NAALADL2: variants seen among roughly 807,000 people sequenced by gnomAD.
The protein encoded by NAALADL2 is inactive N-acetylated-alpha-linked acidic dipeptidase-like protein 2.
In NAALADL2, 76 loss-of-function variants were observed where a neutral mutation model predicts 87.2. That is an observed-to-expected ratio of 0.87 (90% CI 0.72 to 1.05). The LOEUF is 1.05. NAALADL2 is among the 50% of genes least tolerant of loss of function. The pLI, the probability that NAALADL2 is intolerant of heterozygous loss-of-function variation, is 0.00. For missense variants in NAALADL2, 1,089 were observed against 945.8 expected, an observed-to-expected ratio of 1.15 and a Z score of -1.99; for synonymous variants, 354 against 331.0, an observed-to-expected ratio of 1.07 and a Z score of -0.75.
chr3:175,452,712 T>A (rs1160824817), intron 6 of NAALADL2, among the ~76,000 whole-genome samples: 1 of 152,166 alleles, frequency 6.6e-6, no homozygotes, highest in African/African-American at 2.4e-5. Context: ...TAGGAGCTGA[T>A]AACGGAGTAT....
intron 2 of NAALADL2, among the ~76,000 whole-genome samples, chr3:174,582,813 A>G (rs879308054): frequency 2.6e-5 from 4 of 152,102 alleles, no homozygotes; most frequent in African/African-American, 7.2e-5. Context: ...TGAACTCCTG[A>G]CCTCAAGTGA....
rs370915659 is a variant in NAALADL2, at chr3:174,673,198, C to T, written c.-114-64443C>T. 3.0e-3 allele frequency among the ~76,000 whole-genome samples: 452 copies of T among 152,048 alleles called. 8 individuals are homozygous for T. The highest frequency in any genetic ancestry group is 0.017 in the South Asian group (84 of 4,806). On this transcript the variant is annotated intron_variant, in intron 2 of 3. Coordinates refer to the NAALADL2 transcript ENST00000434257. ...GTATTCACTAAATGCTTTTTACAAG[C>T]CCACTTTATGCAAGACATTGGGCAA...
At chr3:175,760,773 T>C (rs1188415553) in intron 13 of NAALADL2, among the ~76,000 whole-genome samples, 1 of 152,196 alleles carries the variant, frequency 6.6e-6, no homozygotes, top group Non-Finnish European at 1.5e-5. Context: ...GATCCTTTTT[T>C]GCTCCCTGTA....
At chr3:175,259,739 G>T (rs1750686809) in intron 4 of NAALADL2, among the ~76,000 whole-genome samples, 1 of 152,106 alleles carries the variant, frequency 6.6e-6, no homozygotes, top group Admixed American at 6.5e-5. Flanking sequence ...TTAAAATACA[G>T]CAATTATAAT....
At chr3:174,761,535 T>C (rs1036251412) in intron 3 of NAALADL2, among the ~76,000 whole-genome samples, 3 of 152,198 alleles carry the variant, frequency 2.0e-5, no homozygotes, top group African/African-American at 7.2e-5. Flanking sequence ...AATGGTCATA[T>C]GTATTATGCT....
At chr3:174,861,027 G>T (rs1053966432) in intron 1 of NAALADL2, among the ~76,000 whole-genome samples, 1 of 152,044 alleles carries the variant, frequency 6.6e-6, no homozygotes, top group African/African-American at 2.4e-5. Flanking sequence ...TTAAGTTCAA[G>T]AACAGTGTGC....
At chr3:174,597,699 A>G (rs1159565786) in intron 2 of NAALADL2, among the ~76,000 whole-genome samples, 1 of 152,204 alleles carries the variant, frequency 6.6e-6, no homozygotes, top group Non-Finnish European at 1.5e-5. Context: ...TTCTTGATAA[A>G]TGGAATAAAA....
At chr3:174,829,116 TTGTTG>T (rs869243039) in intron 3 of NAALADL2, among the ~76,000 whole-genome samples, 1 of 152,010 alleles carries the variant, frequency 6.6e-6, no homozygotes, top group Non-Finnish European at 1.5e-5. Flanking sequence ...GTTGTTGTTG[TTGTTG>T]TTTTTAATTA....
chr3:174,569,782 G>T (rs1714706672), intron 2 of NAALADL2, among the ~76,000 whole-genome samples: 1 of 152,100 alleles, frequency 6.6e-6, no homozygotes, highest in Non-Finnish European at 1.5e-5. Flanking sequence ...AGTATTCAAG[G>T]ATGTCTCTAC....
At chr3:175,244,118 C>G (rs1167350996) in intron 3 of NAALADL2, among the ~76,000 whole-genome samples, 1 of 152,108 alleles carries the variant, frequency 6.6e-6, no homozygotes, top group African/African-American at 2.4e-5. Context: ...TTCTAGGACC[C>G]TTATCTCGGG....
chr3:175,287,208 A>G (rs1013481202), intron 4 of NAALADL2, among the ~76,000 whole-genome samples: 7 of 152,226 alleles, frequency 4.6e-5, no homozygotes, highest in African/African-American at 1.7e-4. Flanking sequence ...GCTATAAATT[A>G]TTTTAAAATT....
At chr3:175,620,230 T>G (rs4401372) in intron 10 of NAALADL2, among the ~76,000 whole-genome samples, 111,834 of 152,036 alleles carry the variant, frequency 0.74, 41,904 homozygotes, top group East Asian at 0.88. Flanking sequence ...GGACCTCACT[T>G]GGGCCCACCA....
chr3:174,732,220 C>T (rs1264171893), intron 2 of NAALADL2, among the ~76,000 whole-genome samples: 1 of 152,076 alleles, frequency 6.6e-6, no homozygotes, highest in Non-Finnish European at 1.5e-5. Context: ...TTTTTTGACT[C>T]TCTTTAGGAG....
intron 9 of NAALADL2, among the ~76,000 whole-genome samples, chr3:175,525,548 C>G (rs1365462371): frequency 2.0e-5 from 3 of 152,036 alleles, no homozygotes; most frequent in Non-Finnish European, 4.4e-5. Context: ...CTAGTTTTCT[C>G]AAGCTTTATT....
At chr3:174,898,079 C>G (rs1397650045) in intron 1 of NAALADL2, among the ~76,000 whole-genome samples, 1 of 105,444 alleles carries the variant, frequency 9.5e-6, no homozygotes, top group Non-Finnish European at 1.7e-5. Flanking sequence ...CGCCACTGCA[C>G]TCCAGCCTGG....
At chr3:174,615,766 G>A (rs1228684290) in intron 2 of NAALADL2, among the ~76,000 whole-genome samples, 3 of 151,862 alleles carry the variant, frequency 2.0e-5, no homozygotes, top group Non-Finnish European at 4.4e-5. Flanking sequence ...TCTGGGATCA[G>A]TACTAGGAGT....
Position 175,738,169 on chromosome 3 carries a change from G to A in NAALADL2, c.1990+770G>A, listed in dbSNP as rs139415371. Among the ~76,000 whole-genome samples, 195 of 152,214 alleles carry A rather than the reference G, an allele frequency of 1.3e-3. 2 individuals are homozygous for A. In the Middle Eastern group the frequency reaches 0.038, roughly 29 times the overall value. Reference sequence around the variant, plus strand: ...CAATAAAAAAGTCAATATTTTAACTGTAGAGCTGAAACAGTAATCCTTTGA... The same window carrying A: ...CAATAAAAAAGTCAATATTTTAACTATAGAGCTGAAACAGTAATCCTTTGA... On this transcript the variant is annotated intron_variant, in intron 12 of 13. Transcript: ENST00000454872.
chr3:175,150,876 G>A (rs1014314566), intron 2 of NAALADL2, among the ~76,000 whole-genome samples: 3 of 152,144 alleles, frequency 2.0e-5, no homozygotes, highest in African/African-American at 4.8e-5. Flanking sequence ...CTGCCCTCCT[G>A]TAGTTTATGG....
chr3:175,320,168 A>C (rs1392986433), intron 4 of NAALADL2, among the ~76,000 whole-genome samples: 1 of 152,196 alleles, frequency 6.6e-6, no homozygotes, highest in Non-Finnish European at 1.5e-5. Flanking sequence ...TTAGCAAATC[A>C]TGATTATTGT....
Sources: gnomAD v4.1 joint callset for allele counts (sites outside exome capture counted in the v4.1 genomes callset) on GRCh38, gnomAD v4.1.1 for gene constraint, MANE v1.5 for transcripts, NCBI Gene and HGNC (gene_info 2026-07-23, HGNC 2026-07-21) for gene names.